The following MRPS9 variants were observed in gnomAD, a reference collection of about 807,000 sequenced individuals.
The protein encoded by MRPS9 is mitochondrial ribosomal protein S9, also known as small ribosomal subunit protein uS9m.
Under a neutral mutation model 59.9 loss-of-function variants are expected in MRPS9, and 45 were observed. That is an observed-to-expected ratio of 0.75 (90% confidence interval 0.59 to 0.96). The LOEUF (loss-of-function observed/expected upper bound fraction) is 0.96, where lower values mean the gene tolerates loss of function less well. Ranked by LOEUF, MRPS9 falls within the 40% of genes least tolerant of loss-of-function variation. The probability of loss-of-function intolerance (pLI) is 0.00; values close to 1 mark genes in which losing one functional copy is unlikely to be tolerated. For synonymous variants in MRPS9, 171 were observed against 166.8 expected (o/e 1.03, Z -0.19); for missense variants, 473 against 481.1 (o/e 0.98, Z 0.16).
In MRPS9 at chr2:105,049,303, A is replaced by G; in HGVS notation, c.268A>G (p.Asn90Asp). 1.2e-6 allele frequency: 2 copies of G among 1,612,664 alleles called. No individual in the cohort carries two copies. Among genetic ancestry groups the G allele is most frequent in the Non-Finnish European group, 1.7e-6 (2 of 1,179,620 alleles). ...CAACATAGGAAAGAGACATTTAGCCAACATGATGGGAGAAGATCCAGAAAC... is the reference window on the plus strand; with the variant it reads ...CAACATAGGAAAGAGACATTTAGCCGACATGATGGGAGAAGATCCAGAAAC... ...EFNIGKRHLANMMGEDPETFT... is the reference protein window; with the variant it reads ...EFNIGKRHLADMMGEDPETFT... Residue 90 changes from asparagine to aspartate, a missense_variant, in exon 2 of 11, where the codon AAC (asparagine) becomes GAC (aspartate). By Grantham distance (23) the Asn-to-Asp change is conservative. Coordinates refer to ENST00000258455, the MANE Select transcript of MRPS9 (RefSeq NM_182640.3).
chr2:105,043,455 A>G (rs1266521889), intron 1 of MRPS9, among the ~76,000 whole-genome samples: 1 of 152,146 alleles, frequency 6.6e-6, no homozygotes, highest in Non-Finnish European at 1.5e-5. Context: ...AGTAATCCTC[A>G]GATGTTCCTC....
At chr2:105,064,405 G>A (rs950873331) in intron 2 of MRPS9, among the ~76,000 whole-genome samples, 3 of 150,566 alleles carry the variant, frequency 2.0e-5, no homozygotes, top group Non-Finnish European at 3.0e-5. Flanking sequence ...GGAGTGGGTG[G>A]ATGCTTCTCA....
chr2:105,071,592 T>G (rs2104454800), intron 4 of MRPS9, 103 bp downstream of exon 4: 1 of 1,123,132 alleles, frequency 8.9e-7, no homozygotes, highest in East Asian at 2.4e-5. Context: ...GGCCTTCCTG[T>G]GTCACAGTAG....
chr2:105,042,963 C>T (rs950215647), intron 1 of MRPS9, among the ~76,000 whole-genome samples: 1 of 152,094 alleles, frequency 6.6e-6, no homozygotes, highest in African/African-American at 2.4e-5. Flanking sequence ...TCTCCCCTCC[C>T]ACCCCCCAGA....
At position 105,092,504 on chromosome 2, in the gene MRPS9, CA is replaced by C. The variant is rs1297979087; in HGVS notation, c.762del (p.Lys254AsnfsTer3). On this transcript the variant is annotated frameshift_variant, in exon 8 of 11. Coordinates refer to ENST00000258455, the MANE Select transcript of MRPS9 (RefSeq NM_182640.3). LOFTEE classifies it high-confidence loss of function. ...QRFRRSVTLESKKQLIEPVQY... is the reference protein window; with the variant it reads ...QRFRRSVTLEXKKQLIEPVQY... Reference sequence around the variant, plus strand: ...TTTCGAAGAAGTGTAACTCTTGAATCAAAAAAACAGCTGATTGAACCTGTAC... The same window carrying C: ...TTTCGAAGAAGTGTAACTCTTGAATCAAAAAACAGCTGATTGAACCTGTAC... 6.2e-7 allele frequency: 1 copy of C among 1,613,348 alleles called. No homozygotes were observed. The highest frequency in any genetic ancestry group is 1.1e-5 in the South Asian group (1 of 90,984).
Position 105,089,087 on chromosome 2 carries a change from A to G in MRPS9, c.575+18A>G, listed in dbSNP as rs1242132099. ...GTAACCAGGTAAGCTCTTTTCTTGC[A>G]TTAAAATATAAGTAAAATTTGAACT... is the stretch of plus-strand genomic sequence containing the variant. On this transcript the variant is annotated intron_variant, in intron 6 of 10. Transcript: ENST00000258455. 1.9e-6 allele frequency: 3 copies of G among 1,578,154 alleles called. No individual in the cohort carries two copies. The highest frequency in any genetic ancestry group is 1.8e-5 in the Admixed American group (1 of 56,762).
intron 1 of MRPS9, 117 bp downstream of exon 1, chr2:105,038,344 G>A: frequency 7.4e-7 from 1 of 1,353,480 alleles, no homozygotes; most frequent in East Asian, 2.5e-5. Flanking sequence ...AGGATCTTAG[G>A]TATTTAGTGG....
chr2:105,041,945 T>C (rs1448474256), intron 1 of MRPS9, among the ~76,000 whole-genome samples: 3 of 152,198 alleles, frequency 2.0e-5, no homozygotes, highest in Admixed American at 6.5e-5. Context: ...AATAAGAGCT[T>C]GATAATAAAT....
Position 105,097,190 on chromosome 2 carries a change from G to T in MRPS9, c.965G>T (p.Arg322Leu). The change falls in exon 10 of 11, where the codon CGG (arginine) becomes CTG (leucine). Residue 322 changes from arginine (R) to leucine (L), a missense_variant. Arg to Leu is a moderately radical substitution (Grantham distance 102, BLOSUM62 -2). Coordinates refer to ENST00000258455, the MANE Select transcript of MRPS9 (RefSeq NM_182640.3). ...QLMFPFHFVD[R>L]LGKHDVTCTV... ...ATGTTCCCTTTCCACTTTGTTGACC[G>T]GCTGGGAAAGCACGACGTGACCTGC... The T allele has an allele frequency of 1.3e-6, 2 of 1,599,126 alleles. No homozygotes were observed. Among genetic ancestry groups the T allele is most frequent in the Admixed American group, 1.7e-5 (1 of 57,392 alleles).
rs538634086 is a variant in MRPS9 at position 105,049,033 on chromosome 2, G to C, written c.136-138G>C. On this transcript the variant is annotated intron_variant, in intron 1 of 10. Coordinates refer to ENST00000258455, the MANE Select transcript of MRPS9 (RefSeq NM_182640.3). Reference sequence around the variant, plus strand: ...CTTTCTTAGCAGGTCCTTTAAACTTGCTTTTTGGACTCCTGTCACTTGAAT... The same window carrying C: ...CTTTCTTAGCAGGTCCTTTAAACTTCCTTTTTGGACTCCTGTCACTTGAAT... The C allele has an allele frequency of 2.0e-5, 12 of 601,922 alleles. No homozygotes were observed. In the South Asian group the frequency reaches 3.1e-4, roughly 15 times the overall value. The allele number at this position is 601,922 out of a possible 1,614,324, so 37.3% of individuals were successfully genotyped here. A position where few individuals can be genotyped will look rare whatever the true frequency, so the allele number is the denominator to read the frequency against.
At chr2:105,081,007 T>C (rs1344133687) in intron 5 of MRPS9, among the ~76,000 whole-genome samples, 1 of 152,188 alleles carries the variant, frequency 6.6e-6, no homozygotes. Flanking sequence ...ATGTAGAGTG[T>C]GTCTTTGCTG....
intron 4 of MRPS9, among the ~76,000 whole-genome samples, chr2:105,072,041 T>C (rs1680125088): frequency 6.6e-6 from 1 of 152,160 alleles, no homozygotes; most frequent in South Asian, 2.1e-4. Context: ...CAGCAAGCTT[T>C]AAGGTTGTCA....
chr2:105,077,587 GCA>G (rs1680238869), intron 4 of MRPS9, among the ~76,000 whole-genome samples: 1 of 152,156 alleles, frequency 6.6e-6, no homozygotes, highest in Non-Finnish European at 1.5e-5. Context: ...ATAGGTAAAT[GCA>G]CAGAGAGTCC....
intron 2 of MRPS9, among the ~76,000 whole-genome samples, chr2:105,069,997 G>A (rs1341518349): frequency 6.6e-6 from 1 of 152,130 alleles, no homozygotes; most frequent in African/African-American, 2.4e-5. Flanking sequence ...CAGCGACAGA[G>A]TGAGGTTCTG....
At position 105,099,763 on chromosome 2, in the gene MRPS9, G is replaced by A. The variant is rs776402704; in HGVS notation, c.*2G>A. 1.3e-5 allele frequency: 21 copies of A among 1,614,020 alleles called. No homozygotes were observed. The highest frequency in any genetic ancestry group is 1.8e-5 in the Non-Finnish European group (21 of 1,179,958). ...AAGTTTACGTGGAAGAAACGCTAAG[G>A]GTTTGCTCCCAGGAAAGGAGAGGAA... On this transcript the variant is annotated 3_prime_UTR_variant, in exon 11 of 11. Coordinates refer to ENST00000258455, the MANE Select transcript of MRPS9 (RefSeq NM_182640.3).
chr2:105,084,330 C>G (rs1680407621), intron 5 of MRPS9, among the ~76,000 whole-genome samples: 1 of 150,390 alleles, frequency 6.6e-6, no homozygotes, highest in African/African-American at 2.4e-5. Flanking sequence ...TAATTCTAAT[C>G]CTTGTAACGT....
At chr2:105,065,300 G>A (rs1308220579) in intron 2 of MRPS9, among the ~76,000 whole-genome samples, 1 of 152,188 alleles carries the variant, frequency 6.6e-6, no homozygotes, top group Non-Finnish European at 1.5e-5. Flanking sequence ...GGACAAAGGA[G>A]AGTACATTAT....
intron 1 of MRPS9, among the ~76,000 whole-genome samples, chr2:105,042,706 C>G (rs1027690038): frequency 4.6e-5 from 7 of 152,188 alleles, no homozygotes; most frequent in Non-Finnish European, 1.0e-4. Context: ...GTTTTCTTAT[C>G]TCATTATAGC....
At chr2:105,062,358 G>A (rs752523296) in intron 2 of MRPS9, among the ~76,000 whole-genome samples, 7 of 152,186 alleles carry the variant, frequency 4.6e-5, no homozygotes, top group African/African-American at 7.2e-5. Context: ...GTCAGGAAAC[G>A]CAGCCTTACA....
Sources: allele counts gnomAD v4.1 joint callset (sites outside exome capture counted in the v4.1 genomes callset), GRCh38; gene constraint gnomAD v4.1.1; transcripts MANE v1.5; gene names NCBI Gene and HGNC (gene_info 2026-07-23, HGNC 2026-07-21).